The following ATF7IP2 variants were observed in gnomAD, a reference collection of about 807,000 sequenced individuals.
ATF7IP2 encodes activating transcription factor 7-interacting protein 2.
A neutral mutation model predicts 64.2 loss-of-function variants in ATF7IP2; 42 were observed. The observed-to-expected ratio is 0.65, with a 90% CI of 0.51 to 0.85. The LOEUF (loss-of-function observed/expected upper bound fraction) is 0.85, where lower values mean the gene tolerates loss of function less well. Ranked by LOEUF, ATF7IP2 falls within the 40% of genes least tolerant of loss-of-function variation. The pLI is 0.00. For missense variants in ATF7IP2, 933 were observed against 784.2 expected, an observed-to-expected ratio of 1.19 and a Z score of -2.27; for synonymous variants, 308 against 272.8, an observed-to-expected ratio of 1.13 and a Z score of -1.27.
rs2048327631 is a variant in ATF7IP2 at position 10,433,659 on chromosome 16, T to C, written c.960+10T>C. ...AGCATTCCTGGAACAGGTAAAATAT[T>C]GGGGCTTAAATGGAACTTTTACTTT... On this transcript the variant is annotated intron_variant, in intron 6 of 13. Transcript: ENST00000562102. The C allele has an allele frequency of 3.7e-6, 6 of 1,612,304 alleles. No homozygotes were observed. Among genetic ancestry groups the C allele is most frequent in the South Asian group, 1.1e-5 (1 of 90,932 alleles).
chr16:10,475,722 G>GAAAAAAAAAAAAAAAAAAAAAAAA (rs386384218), intron 12 of ATF7IP2, among the ~76,000 whole-genome samples: 1 of 41,644 alleles, frequency 2.4e-5, no homozygotes, highest in African/African-American at 1.2e-4. Context: ...TAAGAAGCCA[G>GAAAAAAAAAAAAAAAAAAAAAAAA]AAAAAAAAAA....
At chr16:10,447,476 A>T (rs1355100235) in intron 8 of ATF7IP2, 1 of 151,998 alleles carries the variant, frequency 6.6e-6, no homozygotes, top group Non-Finnish European at 1.5e-5. Flanking sequence ...GAAAACGAAC[A>T]CTCAAAAGAC....
In ATF7IP2 at chr16:10,455,355, A is replaced by G. The variant is rs568420099; in HGVS notation, c.1195-2017A>G. On this transcript the variant is annotated intron_variant, in intron 8 of 13. Coordinates refer to ENST00000562102, the MANE Select transcript of ATF7IP2 (RefSeq NM_001393719.1). ...GGAAGCAGAGGCTGGAATGAAGTAC[A>G]CTGAAGATGGAGGAGGGCCTCAAGT... is the stretch of plus-strand genomic sequence containing the variant. Among the ~76,000 whole-genome samples, 6 of 152,356 alleles carry G rather than the reference A, an allele frequency of 3.9e-5. No individual in the cohort carries two copies. In the East Asian group the frequency reaches 1.2e-3, roughly 29 times the overall value.
At chr16:10,472,222 GA>G (rs2049828265) in intron 10 of ATF7IP2, 39 bp downstream of exon 10, 1 of 1,069,574 alleles carries the variant, frequency 9.3e-7, no homozygotes, top group Non-Finnish European at 1.3e-6. Context: ...TATCAAGTTA[GA>G]AGGCCTTAAA....
chr16:10,470,813 A>ATATATG (rs370065408), intron 9 of ATF7IP2, among the ~76,000 whole-genome samples: 1 of 140,742 alleles, frequency 7.1e-6, no homozygotes, highest in African/African-American at 3.0e-5. Context: ...ATATATATAT[A>ATATATG]TGTGTGTGTG....
chr16:10,466,550 T>G (rs148022329), intron 9 of ATF7IP2, among the ~76,000 whole-genome samples: 18 of 152,306 alleles, frequency 1.2e-4, no homozygotes, highest in African/African-American at 3.4e-4. Flanking sequence ...ATCTCTTTCT[T>G]TTTAGCCATA....
At chr16:10,412,010 GTTTTTTTT>G (rs71133351) in intron 1 of ATF7IP2, among the ~76,000 whole-genome samples, 2 of 58,398 alleles carry the variant, frequency 3.4e-5, no homozygotes, top group South Asian at 5.3e-4. Context: ...ATCTTTTTTT[GTTTTTTTT>G]TTTTTTTTTT....
chr16:10,428,468 C>G (rs1002927717), intron 3 of ATF7IP2, among the ~76,000 whole-genome samples: 2 of 152,114 alleles, frequency 1.3e-5, no homozygotes, highest in East Asian at 3.9e-4. Flanking sequence ...ATTTAAGACC[C>G]CTGTCTCTCT....
rs762248072 is a variant in ATF7IP2 at position 10,430,785 on chromosome 16, T to G, written c.165T>G (p.Pro55=). 1 of 1,570,936 alleles carries G rather than the reference T, an allele frequency of 6.4e-7. No homozygotes were observed. The highest frequency in any genetic ancestry group is 8.6e-7 in the Non-Finnish European group (1 of 1,161,132). The change falls in exon 5 of 14, where the codon CCT becomes CCG. Residue 55 remains proline (P), a synonymous_variant. Coordinates refer to ENST00000562102, the MANE Select transcript of ATF7IP2 (RefSeq NM_001393719.1). ...CAAGCGGTAATCAGAGTTTCAGTCC[T>G]AGTGTCATAACTAGGACGACTGAAA... is the stretch of plus-strand genomic sequence containing the variant. ...NVPSGNQSFS[P]SVITRTTEIT...
At chr16:10,398,311 A>C (rs536276593) in intron 1 of ATF7IP2, among the ~76,000 whole-genome samples, 3 of 148,134 alleles carry the variant, frequency 2.0e-5, no homozygotes, top group Admixed American at 2.0e-4. Flanking sequence ...CTCAAAAAAA[A>C]AAAAATAATA....
At chr16:10,439,444 G>A (rs62025941) in intron 7 of ATF7IP2, among the ~76,000 whole-genome samples, 3 of 151,118 alleles carry the variant, frequency 2.0e-5, no homozygotes, top group South Asian at 4.2e-4. Context: ...CTGTATTAGC[G>A]TTGATGGTCT....
At chr16:10,475,274 C>T (rs923992519) in intron 12 of ATF7IP2, among the ~76,000 whole-genome samples, 6 of 152,150 alleles carry the variant, frequency 3.9e-5, no homozygotes, top group Non-Finnish European at 5.9e-5. Flanking sequence ...AGTGGTGTCA[C>T]GTTATTTGAA....
At chr16:10,459,323 CCG>C (rs2049291774) in intron 9 of ATF7IP2, among the ~76,000 whole-genome samples, 1 of 152,066 alleles carries the variant, frequency 6.6e-6, no homozygotes, top group Non-Finnish European at 1.5e-5. Flanking sequence ...AAAAAATTAG[CCG>C]GGCATGGTGG....
intron 6 of ATF7IP2, among the ~76,000 whole-genome samples, chr16:10,435,219 T>C (rs927143017): frequency 2.6e-5 from 4 of 152,224 alleles, no homozygotes; most frequent in African/African-American, 9.6e-5. Flanking sequence ...CATTCTGACA[T>C]TGTTCTCCCC....
At chr16:10,396,793 G>T (rs2141755206) in intron 1 of ATF7IP2, among the ~76,000 whole-genome samples, 1 of 150,936 alleles carries the variant, frequency 6.6e-6, no homozygotes, top group Non-Finnish European at 1.5e-5. Flanking sequence ...GGGACAAGAG[G>T]CACGTGACAC....
At chr16:10,430,490 C>A in intron 4 of ATF7IP2, 121 bp from the exon 5 acceptor site, 1 of 603,766 alleles carries the variant, frequency 1.7e-6, no homozygotes, top group Non-Finnish European at 2.9e-6. Flanking sequence ...AGGTGATTAT[C>A]TAAATATGGA....
Position 10,481,968 on chromosome 16 carries a change from A to C in ATF7IP2, c.1768A>C (p.Asn590His). The C allele has an allele frequency of 3.7e-6, 6 of 1,614,088 alleles. No individual in the cohort carries two copies. Among genetic ancestry groups the C allele is most frequent in the Non-Finnish European group, 5.1e-6 (6 of 1,179,998 alleles). The change falls in exon 14 of 14, where the codon AAT (asparagine) becomes CAT (histidine). Residue 590 changes from asparagine (N) to histidine (H), a missense_variant. By Grantham distance (68) the Asn-to-His change is moderately conservative. Transcript: ENST00000562102. The part of the protein sequence containing the change: ...ELKVKRVFRP[N>H]GIALTWNITK... ...CAAAGTGAAACGGGTTTTCAGACCC[A>C]ATGGCATTGCCCTGACTTGGAATAT...
At chr16:10,400,795 C>T (rs1358676135) in intron 1 of ATF7IP2, among the ~76,000 whole-genome samples, 5 of 152,162 alleles carry the variant, frequency 3.3e-5, no homozygotes, top group Non-Finnish European at 7.3e-5. Flanking sequence ...GATTCTTATG[C>T]CTCAGCCTCC....
intron 9 of ATF7IP2, among the ~76,000 whole-genome samples, chr16:10,466,410 G>C (rs1270859276): frequency 6.6e-6 from 1 of 152,136 alleles, no homozygotes; most frequent in East Asian, 1.9e-4. Flanking sequence ...GAATTGCTAG[G>C]TCATAAGGTA....
Sources: allele counts gnomAD v4.1 joint callset (sites outside exome capture counted in the v4.1 genomes callset), GRCh38; gene constraint gnomAD v4.1.1; transcripts MANE v1.5; gene names NCBI Gene and HGNC (gene_info 2026-07-23, HGNC 2026-07-21).